MTCH2: variants seen among roughly 807,000 people sequenced by gnomAD.
MTCH2 encodes mitochondrial carrier 2.
A neutral mutation model predicts 50.6 loss-of-function variants in MTCH2; 25 were observed. The observed-to-expected ratio is 0.49, with a 90% CI of 0.36 to 0.69. The LOEUF is 0.69. MTCH2 is among the 30% of genes least tolerant of loss of function. The pLI, the probability that MTCH2 is intolerant of heterozygous loss-of-function variation, is 0.00. For synonymous variants in MTCH2, 106 were observed against 132.0 expected (o/e 0.80, Z 1.35); for missense variants, 273 against 384.4 (o/e 0.71, Z 2.42).
chr11:47,621,654 C>G (rs1379520195), intron 12 of MTCH2, among the ~76,000 whole-genome samples: 1 of 152,074 alleles, frequency 6.6e-6, no homozygotes, highest in African/African-American at 2.4e-5. Context: ...AGGCTGGTCT[C>G]AAACTCCTGA....
chr11:47,611,102 C>T, the MTCH2 span, among the ~76,000 whole-genome samples: 1 of 152,300 alleles, frequency 6.6e-6, no homozygotes, highest in African/African-American at 2.4e-5. Context: ...GTTTTATGTT[C>T]TTGTCATTCT....
At chr11:47,627,029 A>G in intron 10 of MTCH2, 51 bp downstream of exon 10, 1 of 1,432,658 alleles carries the variant, frequency 7.0e-7, no homozygotes. Context: ...AAGGAAAACA[A>G]AACAAAACAC....
chr11:47,625,803 T>C, intron 10 of MTCH2, 62 bp from the exon 11 acceptor site: 14 of 1,411,354 alleles, frequency 9.9e-6, no homozygotes, highest in Non-Finnish European at 1.4e-5. Context: ...CTCCTTTCCT[T>C]TACCTTAAAG....
At chr11:47,621,621 G>A (rs918426230) in intron 12 of MTCH2, among the ~76,000 whole-genome samples, 1 of 152,112 alleles carries the variant, frequency 6.6e-6, no homozygotes, top group Non-Finnish European at 1.5e-5. Flanking sequence ...TTTTAGTAGA[G>A]ATGGGGTTTC....
the MTCH2 span, among the ~76,000 whole-genome samples, chr11:47,610,649 G>T: frequency 6.6e-6 from 1 of 152,154 alleles, no homozygotes; most frequent in East Asian, 1.9e-4. Context: ...AGGTTGCAGT[G>T]AGCCGAGATC....
At chr11:47,606,196 G>A in the MTCH2 span, among the ~76,000 whole-genome samples, 2 of 152,036 alleles carry the variant, frequency 1.3e-5, no homozygotes, top group African/African-American at 4.8e-5. Context: ...TTCTATTTGG[G>A]GTTTAATGTC....
chr11:47,637,801 A>G (rs912052834), intron 3 of MTCH2, among the ~76,000 whole-genome samples: 1 of 152,218 alleles, frequency 6.6e-6, no homozygotes, highest in Admixed American at 6.6e-5. Flanking sequence ...GATAAAGCAA[A>G]GTAATGTATT....
intron 3 of MTCH2, among the ~76,000 whole-genome samples, chr11:47,637,302 T>C (rs548384498): frequency 6.6e-6 from 1 of 152,258 alleles, no homozygotes; most frequent in East Asian, 1.9e-4. Context: ...GAACTTTCAG[T>C]TTTAACAGAA....
intron 3 of MTCH2, among the ~76,000 whole-genome samples, chr11:47,636,092 C>T (rs2097308314): frequency 6.6e-6 from 1 of 151,428 alleles, no homozygotes; most frequent in South Asian, 2.1e-4. Flanking sequence ...CACGCCACTG[C>T]ACTGCAGCCC....
the MTCH2 span, among the ~76,000 whole-genome samples, chr11:47,610,108 G>C: frequency 3.9e-5 from 6 of 152,058 alleles, no homozygotes; most frequent in African/African-American, 1.4e-4. Flanking sequence ...GACATTCAGT[G>C]GATATTCAGT....
chr11:47,625,783 A>C (rs753261769), intron 10 of MTCH2, 42 bp from the exon 11 acceptor site: 1 of 1,515,478 alleles, frequency 6.6e-7, no homozygotes, highest in Non-Finnish European at 9.1e-7. Flanking sequence ...GATCATTCCT[A>C]GTCTTTATTC....
intron 3 of MTCH2, 112 bp from the exon 4 acceptor site, chr11:47,635,683 G>GTTT: frequency 6.2e-6 from 6 of 967,512 alleles, no homozygotes; most frequent in Non-Finnish European, 6.0e-6. Context: ...TTTTTTTAAA[G>GTTT]TTTTTGTTTT....
At chr11:47,605,363 C>CT in the MTCH2 span, among the ~76,000 whole-genome samples, 1 of 152,080 alleles carries the variant, frequency 6.6e-6, no homozygotes, top group Non-Finnish European at 1.5e-5. Flanking sequence ...AGCCCTTAGC[C>CT]TTTTTCTCAG....
rs2097300763 is a variant in MTCH2 at position 47,629,184 on chromosome 11, T to C, written c.540-138A>G. On this transcript the variant is annotated intron_variant, in intron 8 of 12. Transcript: ENST00000302503. ...GTAAAAAAGGAATCAAACACCAGAA[T>C]CCAGCCCGCATACCTAGTTCATTCT... 7.3e-6 allele frequency: 5 copies of C among 683,080 alleles called. No individual in the cohort carries two copies. In the South Asian group the frequency reaches 8.6e-5, roughly 12 times the overall value. The allele number at this position is 683,080 out of a possible 1,614,324, so 42.3% of individuals were successfully genotyped here. A position where few individuals can be genotyped will look rare whatever the true frequency, so the allele number is the denominator to read the frequency against.
chr11:47,607,297 TCA>T, the MTCH2 span, among the ~76,000 whole-genome samples: 7 of 152,212 alleles, frequency 4.6e-5, no homozygotes, highest in African/African-American at 1.7e-4. Context: ...GTCTCACGTG[TCA>T]CATGTTCTGG....
Position 47,618,711 on chromosome 11 carries a change from G to A in MTCH2, c.*122C>T, listed in dbSNP as rs1024786050. 19 of 1,034,172 alleles carry A rather than the reference G, an allele frequency of 1.8e-5. No homozygotes were observed. The highest frequency in any genetic ancestry group is 2.7e-5 in the South Asian group (2 of 73,800). The allele number at this position is 1,034,172 out of a possible 1,614,324, so 64.1% of individuals were successfully genotyped here. A position where few individuals can be genotyped will look rare whatever the true frequency, so the allele number is the denominator to read the frequency against. ...CAAAAAAGGCAGACACCAAACACCT[G>A]AATTTTCCCAAGATTAAATGATTAT... On this transcript the variant is annotated 3_prime_UTR_variant, in exon 13 of 13. Transcript: ENST00000302503.
At chr11:47,609,387 G>A in the MTCH2 span, among the ~76,000 whole-genome samples, 1 of 149,756 alleles carries the variant, frequency 6.7e-6, no homozygotes, top group East Asian at 2.0e-4. Context: ...GAACCTGGGA[G>A]GTGGAGGTTG....
chr11:47,609,457 CA>C, the MTCH2 span, among the ~76,000 whole-genome samples: 12,411 of 40,080 alleles, frequency 0.31, 562 homozygotes, highest in Non-Finnish European at 0.34. Context: ...GATTCTGTAT[CA>C]AAAAAAAAAA....
intron 5 of MTCH2, among the ~76,000 whole-genome samples, chr11:47,633,409 C>T (rs565244724): frequency 4.7e-5 from 7 of 147,826 alleles, no homozygotes; most frequent in South Asian, 2.1e-4. Context: ...CACGCCCGGC[C>T]GTATCCCTGC....
Sources: gnomAD v4.1 joint callset for allele counts (sites outside exome capture counted in the v4.1 genomes callset) on GRCh38, gnomAD v4.1.1 for gene constraint, MANE v1.5 for transcripts, NCBI Gene and HGNC (gene_info 2026-07-23, HGNC 2026-07-21) for gene names.